Variants in KIFC3 observed in about 807,000 individuals in gnomAD.
The protein encoded by KIFC3 is kinesin-like protein KIFC3.
KIFC3 carries 60 observed loss-of-function variants against 101.8 expected under a neutral mutation model. The ratio of observed to expected loss-of-function variants is 0.59; its 90% CI spans 0.48 to 0.73. The LOEUF (loss-of-function observed/expected upper bound fraction) is 0.73. KIFC3 is among the 30% of genes least tolerant of loss of function. The pLI is 0.00. For synonymous variants in KIFC3, 476 were observed against 482.7 expected, an observed-to-expected ratio of 0.99 and a Z score of 0.18; for missense variants, 966 against 1,137.1, an observed-to-expected ratio of 0.85 and a Z score of 2.16.
intron 3 of KIFC3, chr16:57,775,706 G>A (rs1010301757): frequency 6.1e-6 from 6 of 985,414 alleles, no homozygotes; most frequent in African/African-American, 1.7e-5. Context: ...CCCTGGGCCC[G>A]ATACATACTT....
At chr16:57,827,678 A>C (rs77251312) in intron 1 of KIFC3, among the ~76,000 whole-genome samples, 13,871 of 152,166 alleles carry the variant, frequency 0.091, 1,141 homozygotes, top group East Asian at 0.22. Flanking sequence ...GAGGCCATGG[A>C]TGGTCACAAA....
upstream of KIFC3, chr16:57,802,803 C>T (rs1465531696): frequency 5.1e-6 from 4 of 779,276 alleles, no homozygotes; most frequent in Non-Finnish European, 8.5e-6. This position sits in a 1 kb window ranked among gnomAD's most constrained non-coding sequence, Gnocchi z 5.0. Context: ...ACGAGGCAGC[C>T]CACACAGCCC....
intron 1 of KIFC3, among the ~76,000 whole-genome samples, chr16:57,854,425 C>T (rs767914640): frequency 4.0e-5 from 6 of 151,578 alleles, no homozygotes; most frequent in Admixed American, 1.3e-4. Flanking sequence ...GTCAGGAGTT[C>T]GAGACCAGCC....
At chr16:57,811,513 A>G (rs1384761830) in intron 1 of KIFC3, among the ~76,000 whole-genome samples, 3 of 152,176 alleles carry the variant, frequency 2.0e-5, no homozygotes, top group Non-Finnish European at 2.9e-5. Context: ...ACTTGAGGCC[A>G]GGAGTTTGAG....
At chr16:57,818,498 G>A (rs1344971912) in intron 1 of KIFC3, among the ~76,000 whole-genome samples, 1 of 152,126 alleles carries the variant, frequency 6.6e-6, no homozygotes, top group Non-Finnish European at 1.5e-5. Context: ...TCCAATAGCG[G>A]GGATTATAGG....
chr16:57,821,559 C>T (rs1249935669), intron 1 of KIFC3, among the ~76,000 whole-genome samples: 7 of 152,152 alleles, frequency 4.6e-5, no homozygotes, highest in African/African-American at 1.7e-4. Context: ...CCTCTGTGCC[C>T]ATTTGCTGGC....
Position 57,770,664 on chromosome 16 carries a change from T to C in KIFC3, c.802A>G (p.Thr268Ala). 1 of 1,549,250 alleles carries C rather than the reference T, an allele frequency of 6.5e-7. No individual in the cohort carries two copies. Among genetic ancestry groups the C allele is most frequent in the Non-Finnish European group, 8.7e-7 (1 of 1,147,372 alleles). Reference protein sequence around the residue: ...IKTVEVESSKTKQALSESQAR... With the variant: ...IKTVEVESSKAKQALSESQAR... ...TGGGACTCGCTGAGGGCCTGCTTGGTCTTGGACGACTCCACCTCCACTGTC... is the reference window on the plus strand; with the variant it reads ...TGGGACTCGCTGAGGGCCTGCTTGGCCTTGGACGACTCCACCTCCACTGTC... The change falls in exon 7 of 20, where the codon ACC becomes GCC. Residue 268 changes from threonine to alanine, a missense_variant. By Grantham distance (58) the Thr-to-Ala change is moderately conservative. Around this residue, in one of 2 missense-constraint regions of KIFC3, gnomAD observed 689 missense variants for 884.6 expected, o/e 0.78. Transcript: ENST00000445690.
chr16:57,815,470 C>T lies in KIFC3; in HGVS notation c.109-17188G>A, dbSNP rs1447762929. 4.1e-6 allele frequency: 5 copies of T among 1,219,826 alleles called. No individual in the cohort carries two copies. The African/African-American group carries it at 7.9e-5, about 19-fold the overall frequency. The allele number at this position is 1,219,826 out of a possible 1,614,324, so 75.6% of individuals were successfully genotyped here. A position where few individuals can be genotyped will look rare whatever the true frequency, so the allele number is the denominator to read the frequency against. On this transcript the variant is annotated intron_variant, in intron 1 of 2. Coordinates refer to the KIFC3 transcript ENST00000563028. ...AAAGCCCGAGGGGCTGCTTACAAGA[C>T]TCTGCCCATCACCCCCAACCTGGCT...
chr16:57,767,520 A>G (rs1385456395), intron 9 of KIFC3, among the ~76,000 whole-genome samples: 2 of 152,216 alleles, frequency 1.3e-5, no homozygotes, highest in Non-Finnish European at 2.9e-5. Flanking sequence ...AGGGAAGTGT[A>G]TACAGTGTAT....
At chr16:57,801,170 G>C (rs1250781322) in intron 1 of KIFC3, among the ~76,000 whole-genome samples, 2 of 152,182 alleles carry the variant, frequency 1.3e-5, no homozygotes, top group Non-Finnish European at 2.9e-5. Flanking sequence ...CTGCCTCTCT[G>C]GGTTTAGACC....
intron 1 of KIFC3, among the ~76,000 whole-genome samples, chr16:57,823,841 C>T (rs2055406303): frequency 1.3e-5 from 2 of 150,872 alleles, no homozygotes; most frequent in African/African-American, 2.4e-5. Context: ...GTTGGCCAGG[C>T]TGGCCTCAAA....
At chr16:57,859,250 T>C (rs1368134219) in intron 1 of KIFC3, among the ~76,000 whole-genome samples, 1 of 152,208 alleles carries the variant, frequency 6.6e-6, no homozygotes, top group Non-Finnish European at 1.5e-5. Context: ...GCAAAGATAA[T>C]ATTGTGCCTG....
chr16:57,821,713 A>C (rs141056671), intron 1 of KIFC3, among the ~76,000 whole-genome samples: 1 of 152,280 alleles, frequency 6.6e-6, no homozygotes, highest in Admixed American at 6.5e-5. Context: ...GAGCACCATG[A>C]CAACACTTCG....
Position 57,766,884 on chromosome 16 carries a change from C to T in KIFC3, c.1320G>A (p.Val440=). The T allele has an allele frequency of 6.2e-7, 1 of 1,609,204 alleles. No homozygotes were observed. The highest frequency in any genetic ancestry group is 8.5e-7 in the Non-Finnish European group (1 of 1,179,638). The change falls in exon 10 of 20, where the codon GTG becomes GTA. Residue 440 remains valine, a synonymous_variant. Coordinates refer to ENST00000445690, the MANE Select transcript of KIFC3 (RefSeq NM_001130100.2). ...QLRKKCHNEL[V]RLKGNIRVIA... ...CCCTCCTGCAGTCACCTTTCAGCCG[C>T]ACGAGCTCATTGTGGCACTTCTTAC...
intron 1 of KIFC3, among the ~76,000 whole-genome samples, chr16:57,823,759 CTTTGTGTG>C (rs1170176556): frequency 7.3e-5 from 4 of 54,672 alleles, no homozygotes; most frequent in Admixed American, 3.8e-4. Context: ...CACCCGGCTA[CTTTGTGTG>C]TGTGTGTGTG....
chr16:57,785,032 G>A (rs1171350223), intron 3 of KIFC3, among the ~76,000 whole-genome samples: 1 of 152,170 alleles, frequency 6.6e-6, no homozygotes, highest in African/African-American at 2.4e-5. Flanking sequence ...AACAAGAAAC[G>A]TCATGCCAAT....
intron 1 of KIFC3, among the ~76,000 whole-genome samples, chr16:57,848,279 G>GTTTTT (rs2055979086): frequency 6.6e-6 from 1 of 152,186 alleles, no homozygotes; most frequent in Non-Finnish European, 1.5e-5. Flanking sequence ...AGCAAACAGA[G>GTTTTT]AGTGGTTTAA....
chr16:57,803,110 C>G (rs2054842993), upstream of KIFC3: 1 of 1,324,762 alleles, frequency 7.5e-7, no homozygotes, highest in Non-Finnish European at 1.0e-6. Context: ...ACCTCTGCAC[C>G]CCCAGCCCCA....
At position 57,759,710 on chromosome 16, in the gene KIFC3, C is replaced by T. The variant is rs782802704; in HGVS notation, c.2476+18G>A. 6.3e-6 allele frequency: 10 copies of T among 1,590,668 alleles called. No individual in the cohort carries two copies. The highest frequency in any genetic ancestry group is 1.3e-5 in the African/African-American group (1 of 74,466). On this transcript the variant is annotated intron_variant, in intron 18 of 19. Transcript: ENST00000445690. ...ACCCTGGGGAGACTCCCCACCCACA[C>T]TGCCACTCCAGGCTCACCCGAGGGC...
Sources: allele counts gnomAD v4.1 joint callset (sites outside exome capture counted in the v4.1 genomes callset), GRCh38; gene constraint gnomAD v4.1.1; regional missense constraint gnomAD v4.1.1; non-coding constraint Gnocchi (gnomAD v3.1); transcripts MANE v1.5; gene names NCBI Gene and HGNC (gene_info 2026-07-23, HGNC 2026-07-21).